The following U2SURP variants were observed in gnomAD, a reference collection of about 807,000 sequenced individuals.
U2SURP encodes U2 snRNP-associated SURP motif-containing protein.
In U2SURP, 9 loss-of-function variants were observed where a neutral mutation model predicts 144.9. The ratio of observed to expected loss-of-function variants is 0.06; its 90% CI spans 0.04 to 0.11. The LOEUF (loss-of-function observed/expected upper bound fraction) is 0.11, where lower values mean the gene tolerates loss of function less well. U2SURP is among the 10% of genes least tolerant of loss of function. The probability of loss-of-function intolerance (pLI) is 1.00; values close to 1 mark genes in which losing one functional copy is unlikely to be tolerated. For synonymous variants in U2SURP, 408 were observed against 396.8 expected (o/e 1.03, Z -0.33); for missense variants, 724 against 1,226.7 (o/e 0.59, Z 6.12).
chr3:143,023,459 T>G (rs989790696), intron 12 of U2SURP: 4 of 170,784 alleles, frequency 2.3e-5, no homozygotes, highest in Admixed American at 1.8e-4. Flanking sequence ...GGTATTAGAA[T>G]ATTTGAGAAG....
intron 13 of U2SURP, chr3:143,024,403 T>C: frequency 2.6e-6 from 1 of 378,958 alleles, no homozygotes; most frequent in Non-Finnish European, 5.1e-6. Context: ...CTGAATTATC[T>C]GCATTTAATA....
intron 25 of U2SURP, among the ~76,000 whole-genome samples, chr3:143,051,307 T>C (rs1230425313): frequency 6.6e-6 from 1 of 152,168 alleles, no homozygotes; most frequent in Admixed American, 6.5e-5. Context: ...GAGCATGCTT[T>C]CAAAACTGGA....
intron 18 of U2SURP, 130 bp from the exon 19 acceptor site, chr3:143,034,758 T>C: frequency 4.9e-6 from 3 of 616,684 alleles, no homozygotes; most frequent in South Asian, 4.2e-5. Flanking sequence ...AAACACCTAG[T>C]TTTTGATTTT....
At chr3:143,048,672 C>T (rs532737080) in intron 24 of U2SURP, among the ~76,000 whole-genome samples, 8 of 151,922 alleles carry the variant, frequency 5.3e-5, no homozygotes, top group East Asian at 1.9e-4. Context: ...CCGAGGTGGG[C>T]GGATCACTTG....
At chr3:143,017,069 T>G in intron 6 of U2SURP, 94 bp downstream of exon 6, 1 of 1,292,688 alleles carries the variant, frequency 7.7e-7, no homozygotes, top group Non-Finnish European at 1.0e-6. Flanking sequence ...TTTTTTCGTT[T>G]TTGGTGGGGG....
At chr3:143,008,361 G>A (rs1189744756) in intron 1 of U2SURP, among the ~76,000 whole-genome samples, 2 of 152,214 alleles carry the variant, frequency 1.3e-5, no homozygotes, top group African/African-American at 4.8e-5. Flanking sequence ...GGATGTGGTG[G>A]CATCAAAGAC....
Position 143,032,932 on chromosome 3 carries a change from C to A in U2SURP, c.1759C>A (p.Pro587Thr). 6.2e-7 allele frequency: 1 copy of A among 1,611,108 alleles called. No individual in the cohort carries two copies. Among genetic ancestry groups the A allele is most frequent in the Non-Finnish European group, 8.5e-7 (1 of 1,178,928 alleles). ...TGAGTCGTTGTCCATCTTAAAGACA[C>A]CCCTTCCTAAAAAGGTATGGGAATG... ...ITESLSILKT[P>T]LPKKIARLYL... Residue 587 changes from proline to threonine, a missense_variant, in exon 17 of 28, where the codon CCC (proline) becomes ACC (threonine). This residue lies in a region of U2SURP where 19 missense variants were observed against 62.2 expected (regional missense o/e 0.31). Transcript: ENST00000473835.
intron 23 of U2SURP, among the ~76,000 whole-genome samples, chr3:143,040,950 A>T (rs573567176): frequency 6.6e-6 from 1 of 151,830 alleles, no homozygotes; most frequent in Admixed American, 6.6e-5. Flanking sequence ...TTTTCATTCA[A>T]TGTCATTGGT....
chr3:143,018,579 CG>C (rs1415125585), intron 6 of U2SURP, among the ~76,000 whole-genome samples: 5 of 151,818 alleles, frequency 3.3e-5, no homozygotes, highest in Non-Finnish European at 5.9e-5. Flanking sequence ...ATACACACAC[CG>C]AGAAGTGGAA....
At chr3:143,037,720 C>T (rs1933887569) in intron 21 of U2SURP, among the ~76,000 whole-genome samples, 1 of 152,074 alleles carries the variant, frequency 6.6e-6, no homozygotes, top group Non-Finnish European at 1.5e-5. Flanking sequence ...CTTCAGTTTT[C>T]CTAGCTGCCT....
intron 5 of U2SURP, 100 bp from the exon 6 acceptor site, chr3:143,016,742 A>T: frequency 9.5e-7 from 1 of 1,053,130 alleles, no homozygotes; most frequent in Non-Finnish European, 1.3e-6. Flanking sequence ...GATACATCTT[A>T]ATACTAAAAG....
rs1553848014 is a variant in U2SURP, at chr3:143,057,399, T to TTCC, written c.*949_*950insTCC. 2 of 150,584 alleles carry TTCC rather than the reference T, an allele frequency of 1.3e-5. No individual in the cohort carries two copies. Among genetic ancestry groups the TTCC allele is most frequent in the Non-Finnish European group, 3.0e-5 (2 of 67,374 alleles). The allele number at this position is 150,584 out of a possible 1,614,324, so 9.3% of individuals were successfully genotyped here. A position where few individuals can be genotyped will look rare whatever the true frequency, so the allele number is the denominator to read the frequency against. ...GTTTGTGTTTAAACAGCTTAGTTGGTCCCCCCCCACTCCCAAGAGACTTGG... is the reference window on the plus strand; with the variant it reads ...GTTTGTGTTTAAACAGCTTAGTTGGTTCCCCCCCCCCACTCCCAAGAGACTTGG... On this transcript the variant is annotated 3_prime_UTR_variant, in exon 28 of 28. Transcript: ENST00000473835.
At chr3:143,010,760 G>A in intron 1 of U2SURP, 55 bp from the exon 2 acceptor site, 2 of 1,379,086 alleles carry the variant, frequency 1.5e-6, no homozygotes, top group South Asian at 2.7e-5. Context: ...CGAGAGACAT[G>A]TTTTGTTAGT....
chr3:143,043,210 T>C lies in U2SURP; in HGVS notation c.2478T>C (p.Thr826=). ...LYSNPIKEEM[T]ESKFSKYSEM... ...CTAATCCAATCAAAGAAGAAATGAC[T>C]GAGTCTAAGTTCTCTAAGTACTCTG... The change falls in exon 24 of 28, where the codon ACT becomes ACC. Residue 826 remains threonine, a synonymous_variant. Transcript: ENST00000473835. The C allele has an allele frequency of 1.9e-6, 3 of 1,604,360 alleles. No individual in the cohort carries two copies. The highest frequency in any genetic ancestry group is 2.6e-6 in the Non-Finnish European group (3 of 1,174,798).
rs1434144481 is a variant in U2SURP at position 143,020,211 on chromosome 3, G to C, written c.638+175G>C. The stretch of plus-strand genomic sequence containing the variant: ...ATCTTTGAAAATAAATTAGCATTTA[G>C]TCCAGCACCTGGGTTGCTTGCATTA... On this transcript the variant is annotated intron_variant, in intron 7 of 27. Coordinates refer to ENST00000473835, the MANE Select transcript of U2SURP (RefSeq NM_001080415.2). 2.0e-5 allele frequency among the ~76,000 whole-genome samples: 3 copies of C among 152,172 alleles called. 1 individual carries two copies. The highest frequency in any genetic ancestry group is 3.8e-4 in the East Asian group (2 of 5,198).
chr3:143,054,914 T>C, intron 26 of U2SURP, 29 bp from the exon 27 acceptor site: 1 of 1,545,672 alleles, frequency 6.5e-7, no homozygotes. Flanking sequence ...TGCTCATTTA[T>C]GGAATGTTTT....
chr3:143,031,777 G>A (rs1359277520), intron 16 of U2SURP, among the ~76,000 whole-genome samples: 2 of 152,194 alleles, frequency 1.3e-5, no homozygotes, highest in African/African-American at 4.8e-5. Context: ...CTTCACTGCA[G>A]TCTATAAATC....
intron 1 of U2SURP, among the ~76,000 whole-genome samples, chr3:143,007,606 C>T (rs1379810740): frequency 2.0e-5 from 3 of 151,886 alleles, no homozygotes; most frequent in African/African-American, 4.8e-5. Context: ...CGCACCTGGC[C>T]AATTTTTTGT....
At chr3:143,019,847 TTTTAATTTAAA>T (rs1260595777) in intron 6 of U2SURP, 111 bp from the exon 7 acceptor site, 1 of 446,496 alleles carries the variant, frequency 2.2e-6, no homozygotes, top group Non-Finnish European at 3.8e-6. Flanking sequence ...CATTCTTCCT[TTTTAATTTAAA>T]TAATTAGAAC....
Sources: allele counts gnomAD v4.1 joint callset (sites outside exome capture counted in the v4.1 genomes callset), GRCh38; gene constraint gnomAD v4.1.1; regional missense constraint gnomAD v4.1.1; transcripts MANE v1.5; gene names NCBI Gene and HGNC (gene_info 2026-07-23, HGNC 2026-07-21).